Variants in DPH5 observed in about 807,000 individuals in gnomAD.
The protein encoded by DPH5 is diphthine methyl ester synthase.
Under a neutral mutation model 31.6 loss-of-function variants are expected in DPH5, and 31 were observed. That is an observed-to-expected ratio of 0.98 (90% CI 0.74 to 1.32). DPH5 has a LOEUF of 1.32. Among genes scored for constraint, DPH5 ranks in the 40% most tolerant of loss-of-function variants. The pLI, the probability that DPH5 is intolerant of heterozygous loss-of-function variation, is 0.00. For synonymous variants in DPH5, 120 were observed against 115.0 expected (o/e 1.04, Z -0.28); for missense variants, 309 against 335.7 (o/e 0.92, Z 0.62).
intron 6 of DPH5, 67 bp downstream of exon 6, chr1:100,995,043 A>G (rs1658217892): frequency 8.8e-7 from 1 of 1,132,366 alleles, no homozygotes; most frequent in Admixed American, 1.8e-5. Flanking sequence ...CAGGTCATTT[A>G]AGTAGAATGT....
intron 4 of DPH5, among the ~76,000 whole-genome samples, chr1:101,005,928 G>A (rs772397884): frequency 6.6e-6 from 1 of 152,054 alleles, no homozygotes; most frequent in African/African-American, 2.4e-5. Flanking sequence ...GAGGTGAGGG[G>A]GGGAGCAGTT....
At chr1:101,022,224 GA>G (rs1422867581) in intron 2 of DPH5, among the ~76,000 whole-genome samples, 2 of 151,870 alleles carry the variant, frequency 1.3e-5, no homozygotes, top group African/African-American at 4.8e-5. Context: ...AACTCAGCTA[GA>G]AAAAAAAGGC....
intron 4 of DPH5, among the ~76,000 whole-genome samples, chr1:101,008,665 G>A (rs1468769897): frequency 6.6e-6 from 1 of 152,206 alleles, no homozygotes; most frequent in South Asian, 2.1e-4. Flanking sequence ...ATGTGTGTGT[G>A]TGTTACTGCA....
In DPH5 at chr1:100,990,147, C is replaced by T; in HGVS notation, c.*261G>A. 1 of 443,534 alleles carries T rather than the reference C, an allele frequency of 2.3e-6. No individual in the cohort carries two copies. Among genetic ancestry groups the T allele is most frequent in the Non-Finnish European group, 4.1e-6 (1 of 244,702 alleles). The allele number at this position is 443,534 out of a possible 1,614,324, so 27.5% of individuals were successfully genotyped here. ...GAAACTTAACAATCACGGTGGAAGG[C>T]ACCTCTTCACAGGGCGGCAAGAGTG... is the stretch of plus-strand genomic sequence containing the variant. On this transcript the variant is annotated 3_prime_UTR_variant, in exon 8 of 8. Coordinates refer to ENST00000370109, the MANE Select transcript of DPH5 (RefSeq NM_015958.3).
intron 4 of DPH5, among the ~76,000 whole-genome samples, chr1:101,009,266 T>A (rs1228785040): frequency 2.0e-5 from 3 of 152,168 alleles, no homozygotes; most frequent in Non-Finnish European, 4.4e-5. Flanking sequence ...GGCACAGGGC[T>A]CTTAGTGACA....
At chr1:101,006,018 G>A (rs555741317) in intron 4 of DPH5, among the ~76,000 whole-genome samples, 6 of 152,232 alleles carry the variant, frequency 3.9e-5, no homozygotes, top group Middle Eastern at 3.4e-3. Context: ...TTTACTCTGC[G>A]CATCTCTTTG....
intron 4 of DPH5, among the ~76,000 whole-genome samples, chr1:101,005,885 C>T (rs944421018): frequency 6.6e-6 from 1 of 151,914 alleles, no homozygotes; most frequent in Admixed American, 6.6e-5. Flanking sequence ...TCCTATAATC[C>T]CCACATGTTG....
chr1:101,019,996 A>C (rs1660332326), intron 3 of DPH5, among the ~76,000 whole-genome samples: 2 of 152,208 alleles, frequency 1.3e-5, no homozygotes, highest in Admixed American at 1.3e-4. Context: ...AACACTTATG[A>C]AATGGAAAGT....
chr1:101,018,639 C>T (rs1033028127), intron 3 of DPH5, among the ~76,000 whole-genome samples: 39 of 152,256 alleles, frequency 2.6e-4, no homozygotes, highest in East Asian at 5.8e-4. Flanking sequence ...GCGCAAATGA[C>T]GTTTTCATGA....
intron 7 of DPH5, among the ~76,000 whole-genome samples, chr1:100,991,863 TTGGGAGGCTGAGG>T (rs1657765332): frequency 1.3e-5 from 2 of 151,322 alleles, no homozygotes; most frequent in South Asian, 2.1e-4. Flanking sequence ...TTGGGAGGCT[TTGGGAGGCTGAGG>T]TGGGAGGATT....
chr1:101,014,229 G>T (rs1388100099), intron 3 of DPH5, among the ~76,000 whole-genome samples: 1 of 152,128 alleles, frequency 6.6e-6, no homozygotes, highest in Non-Finnish European at 1.5e-5. Flanking sequence ...GGCATAACTA[G>T]AATCACTGCT....
At chr1:100,999,980 TA>T (rs1039131927) in intron 5 of DPH5, among the ~76,000 whole-genome samples, 1 of 151,406 alleles carries the variant, frequency 6.6e-6, no homozygotes, top group Admixed American at 6.6e-5. Flanking sequence ...CCATCTCTAC[TA>T]AAAAAAATAC....
At chr1:100,997,189 C>T (rs962202540) in intron 5 of DPH5, among the ~76,000 whole-genome samples, 21 of 152,162 alleles carry the variant, frequency 1.4e-4, no homozygotes, top group Admixed American at 1.4e-3. Context: ...ACATTAGTTC[C>T]AAACTAGATT....
chr1:100,992,995 AT>A (rs1338893325), intron 6 of DPH5, among the ~76,000 whole-genome samples: 2 of 152,236 alleles, frequency 1.3e-5, no homozygotes, highest in African/African-American at 4.8e-5. Context: ...AGATGTCTAA[AT>A]GAAAGTTATC....
At chr1:101,006,352 T>C (rs1251870189) in intron 4 of DPH5, among the ~76,000 whole-genome samples, 1 of 151,458 alleles carries the variant, frequency 6.6e-6, no homozygotes, top group Non-Finnish European at 1.5e-5. Context: ...AAGAAAACTA[T>C]GAAGTAGGAA....
At chr1:101,022,645 C>T (rs138329727) in intron 2 of DPH5, among the ~76,000 whole-genome samples, 429 of 152,000 alleles carry the variant, frequency 2.8e-3, no homozygotes, top group African/African-American at 1.0e-2. Context: ...ATAAATAATA[C>T]GGTTTCTTAC....
intron 4 of DPH5, among the ~76,000 whole-genome samples, chr1:101,003,919 A>C (rs1435643627): frequency 1.3e-5 from 2 of 152,242 alleles, no homozygotes; most frequent in African/African-American, 4.8e-5. Context: ...AAACTGTTAA[A>C]AAAATTATAT....
In DPH5 at chr1:101,025,630, A is replaced by G. The variant is rs1660772582; in HGVS notation, c.-24+53T>C. The G allele has an allele frequency of 1.2e-5, 8 of 674,944 alleles. No individual in the cohort carries two copies. In the South Asian group the frequency reaches 1.6e-4, roughly 13 times the overall value. 41.8% of individuals were successfully genotyped at this position (674,944 alleles called of 1,614,324 possible). On this transcript the variant is annotated intron_variant, in intron 1 of 7. Transcript: ENST00000370109. ...TAAGAACTGGGATAAGAGGTTTTAA[A>G]CAACCCTACCAGTTTTGCCTCTTGT...
At chr1:100,991,589 A>T (rs1657709618) in intron 7 of DPH5, among the ~76,000 whole-genome samples, 1 of 152,024 alleles carries the variant, frequency 6.6e-6, no homozygotes, top group Non-Finnish European at 1.5e-5. Flanking sequence ...GGAGTTTGAG[A>T]CCAGCTGGGC....
Sources: gnomAD v4.1 joint callset for allele counts (sites outside exome capture counted in the v4.1 genomes callset) on GRCh38, gnomAD v4.1.1 for gene constraint, MANE v1.5 for transcripts, NCBI Gene and HGNC (gene_info 2026-07-23, HGNC 2026-07-21) for gene names.